Variants in PRICKLE2 observed in about 807,000 individuals in gnomAD.
PRICKLE2 encodes the protein prickle-like protein 2.
PRICKLE2 carries 21 observed loss-of-function variants against 81.4 expected under a neutral mutation model. The observed-to-expected ratio is 0.26, with a 90% CI of 0.18 to 0.37. The LOEUF is 0.37. Among genes scored for constraint, PRICKLE2 ranks in the 10% least tolerant of loss-of-function variants. PRICKLE2 has a pLI of 1.00. For missense variants in PRICKLE2, 940 were observed against 1,109.0 expected, an observed-to-expected ratio of 0.85 and a Z score of 2.16; for synonymous variants, 456 against 421.5, an observed-to-expected ratio of 1.08 and a Z score of -1.00.
At chr3:64,161,683 C>G (rs1197649408) in intron 3 of PRICKLE2, among the ~76,000 whole-genome samples, 3 of 147,976 alleles carry the variant, frequency 2.0e-5, no homozygotes, top group Non-Finnish European at 4.4e-5. Flanking sequence ...CAGAGAAGAG[C>G]CAATCCCTTC....
intron 7 of PRICKLE2, among the ~76,000 whole-genome samples, chr3:64,109,838 T>C (rs534861821): frequency 6.6e-6 from 1 of 152,312 alleles, no homozygotes; most frequent in Admixed American, 6.5e-5. Flanking sequence ...GTGACAAGCA[T>C]TATAATGGGA....
intron 2 of PRICKLE2, among the ~76,000 whole-genome samples, chr3:64,266,533 G>C (rs1212470910): frequency 1.3e-5 from 2 of 152,142 alleles, no homozygotes; most frequent in Admixed American, 6.5e-5. Flanking sequence ...CTTTATTGTA[G>C]GATGAGCAGA....
intron 1 of PRICKLE2, among the ~76,000 whole-genome samples, chr3:64,223,248 A>G (rs1426917725): frequency 2.6e-5 from 4 of 152,222 alleles, no homozygotes; most frequent in Non-Finnish European, 2.9e-5. Context: ...CTGAATATTT[A>G]CTATGTGGCT....
chr3:64,183,913 T>C (rs972836513), intron 2 of PRICKLE2, among the ~76,000 whole-genome samples: 5 of 152,228 alleles, frequency 3.3e-5, no homozygotes, highest in African/African-American at 9.6e-5. Flanking sequence ...CCTGATGTCG[T>C]AGGGGAAGAG....
intron 2 of PRICKLE2, among the ~76,000 whole-genome samples, chr3:64,249,172 C>T (rs1217794080): frequency 6.6e-6 from 1 of 152,108 alleles, no homozygotes; most frequent in Non-Finnish European, 1.5e-5. Flanking sequence ...TGGGAAACCT[C>T]GGGAAACTTA....
intron 2 of PRICKLE2, among the ~76,000 whole-genome samples, chr3:64,234,515 A>C (rs1192276165): frequency 1.3e-5 from 2 of 152,158 alleles, no homozygotes; most frequent in African/African-American, 4.8e-5. Context: ...CACACGTGTT[A>C]AAATTAGTAA....
rs997163347 is a variant in PRICKLE2, at chr3:64,121,611, T to G, written c.1661-21686A>C. Reference sequence around the variant, plus strand: ...TTGTATTCTTTTGTTAGTCACAATTTTTTTTGTATGAATTTTAATGCTTAA... The same window carrying G: ...TTGTATTCTTTTGTTAGTCACAATTGTTTTTGTATGAATTTTAATGCTTAA... On this transcript the variant is annotated intron_variant, in intron 7 of 7. Transcript: ENST00000638394. Among the ~76,000 whole-genome samples, 3 of 152,344 alleles carry G rather than the reference T, an allele frequency of 2.0e-5. No homozygotes were observed. In the East Asian group the frequency reaches 5.8e-4, roughly 29 times the overall value.
intron 5 of PRICKLE2, 131 bp downstream of exon 5, chr3:64,157,031 C>A: frequency 1.2e-6 from 1 of 858,620 alleles, no homozygotes; most frequent in East Asian, 2.5e-5. Context: ...GGCTTCTCTC[C>A]CAAAAGGGTT....
intron 2 of PRICKLE2, among the ~76,000 whole-genome samples, chr3:64,181,160 A>G (rs117344468): frequency 6.6e-6 from 1 of 152,268 alleles, no homozygotes; most frequent in East Asian, 1.9e-4. Context: ...CAGGCCATTC[A>G]CTTTGTTATA....
intron 7 of PRICKLE2, among the ~76,000 whole-genome samples, chr3:64,131,685 T>C (rs1426337430): frequency 1.3e-5 from 2 of 152,224 alleles, no homozygotes; most frequent in Non-Finnish European, 2.9e-5. Flanking sequence ...AAATAAGCTA[T>C]AGCAATAGAA....
intron 7 of PRICKLE2, among the ~76,000 whole-genome samples, chr3:64,121,046 G>A (rs1022116417): frequency 5.9e-5 from 9 of 152,244 alleles, no homozygotes; most frequent in Admixed American, 1.3e-4. Context: ...TGTGCCCTTC[G>A]TCTGGCTTCC....
chr3:64,156,942 C>T (rs749547206), intron 5 of PRICKLE2, among the ~76,000 whole-genome samples: 1 of 152,180 alleles, frequency 6.6e-6, no homozygotes, highest in Non-Finnish European at 1.5e-5. Flanking sequence ...AACTGCCTTC[C>T]CAACAGGAAG....
intron 2 of PRICKLE2, among the ~76,000 whole-genome samples, chr3:64,198,181 C>A (rs2078496483): frequency 6.6e-6 from 1 of 151,544 alleles, no homozygotes; most frequent in South Asian, 2.1e-4. Flanking sequence ...CACTGCACTC[C>A]AGCCTGGGCG....
At chr3:64,257,779 G>A (rs902302651) in intron 2 of PRICKLE2, among the ~76,000 whole-genome samples, 1 of 152,164 alleles carries the variant, frequency 6.6e-6, no homozygotes, top group Non-Finnish European at 1.5e-5. Context: ...GCCATGGTTT[G>A]AATGTTTGTG....
chr3:64,103,446 T>C (rs1397857073), intron 7 of PRICKLE2: 1 of 152,206 alleles, frequency 6.6e-6, no homozygotes, highest in African/African-American at 2.4e-5. Flanking sequence ...GAATATGTGC[T>C]GTATGATTCC....
At chr3:64,131,118 C>T (rs2077190759) in intron 7 of PRICKLE2, among the ~76,000 whole-genome samples, 1 of 152,218 alleles carries the variant, frequency 6.6e-6, no homozygotes, top group Admixed American at 6.5e-5. Context: ...ATTTGTAAGG[C>T]TGAGCCTTGG....
intron 7 of PRICKLE2, among the ~76,000 whole-genome samples, chr3:64,117,558 T>A (rs1009640760): frequency 6.6e-6 from 1 of 151,896 alleles, no homozygotes; most frequent in Non-Finnish European, 1.5e-5. Flanking sequence ...ATACCAACAA[T>A]AGTCAAGCCA....
chr3:64,226,796 G>A (rs913583495), upstream of PRICKLE2, among the ~76,000 whole-genome samples: 7 of 152,212 alleles, frequency 4.6e-5, no homozygotes, highest in African/African-American at 7.2e-5. Flanking sequence ...CGGGCCAGGA[G>A]AGAGGCAAGA....
chr3:64,265,295 A>G lies in PRICKLE2; in HGVS notation c.129-66328T>C, dbSNP rs773015755. ...GAAACTTTTTTGGAACATCACATTT[A>G]AACCTCAATACAATTTCCATAAAGT... is the stretch of plus-strand genomic sequence containing the variant. On this transcript the variant is annotated intron_variant, in intron 2 of 8. Transcript: ENST00000295902. Among the ~76,000 whole-genome samples, 41 of 152,222 alleles carry G rather than the reference A, an allele frequency of 2.7e-4. 1 individual carries two copies. The highest frequency in any genetic ancestry group is 5.0e-4 in the Non-Finnish European group (34 of 68,032).
Sources: allele counts gnomAD v4.1 joint callset (sites outside exome capture counted in the v4.1 genomes callset), GRCh38; gene constraint gnomAD v4.1.1; transcripts MANE v1.5; gene names NCBI Gene and HGNC (gene_info 2026-07-23, HGNC 2026-07-21).